MAP4K5: variants seen among roughly 807,000 people sequenced by gnomAD.
MAP4K5 encodes mitogen-activated protein kinase kinase kinase kinase 5, also known as MAPK/ERK kinase kinase kinase 5.
MAP4K5 carries 82 observed loss-of-function variants against 135.6 expected under a neutral mutation model. The observed-to-expected ratio is 0.60, with a 90% CI of 0.51 to 0.73. MAP4K5 has a LOEUF of 0.73. Among genes scored for constraint, MAP4K5 ranks in the 30% least tolerant of loss-of-function variants. The pLI is 0.00. For synonymous variants in MAP4K5, 347 were observed against 335.0 expected (o/e 1.04, Z -0.39); for missense variants, 907 against 1,010.9 (o/e 0.90, Z 1.39).
At chr14:50,480,822 G>A (rs1595494296) in intron 6 of MAP4K5, among the ~76,000 whole-genome samples, 1 of 152,096 alleles carries the variant, frequency 6.6e-6, no homozygotes, top group East Asian at 1.9e-4. Flanking sequence ...AACCTGCACA[G>A]CACATTAGTG....
intron 28 of MAP4K5, among the ~76,000 whole-genome samples, chr14:50,433,820 C>G (rs2036028708): frequency 6.6e-6 from 1 of 152,078 alleles, no homozygotes; most frequent in South Asian, 2.1e-4. Context: ...AATGGAGGCC[C>G]CACCTCACCC....
At chr14:50,463,309 A>G (rs537930721) in intron 12 of MAP4K5, among the ~76,000 whole-genome samples, 1 of 152,346 alleles carries the variant, frequency 6.6e-6, no homozygotes, top group African/African-American at 2.4e-5. Flanking sequence ...TATGCAGAGT[A>G]TTCTATAAAT....
chr14:50,519,472 C>G (rs1217468636), intron 2 of MAP4K5, among the ~76,000 whole-genome samples: 2 of 151,814 alleles, frequency 1.3e-5, no homozygotes, highest in South Asian at 2.1e-4. Context: ...CTGGCCAACA[C>G]GGTGAAACCC....
intron 30 of MAP4K5, among the ~76,000 whole-genome samples, chr14:50,428,020 G>C (rs2139638113): frequency 6.6e-6 from 1 of 152,186 alleles, no homozygotes; most frequent in African/African-American, 2.4e-5. Flanking sequence ...ATGCAGCAAA[G>C]GGAATAATGA....
At chr14:50,496,320 C>T (rs1385031656) in intron 3 of MAP4K5, among the ~76,000 whole-genome samples, 1 of 151,284 alleles carries the variant, frequency 6.6e-6, no homozygotes, top group Non-Finnish European at 1.5e-5. Flanking sequence ...GAGCAAGACT[C>T]CAACTCAACA....
At chr14:50,487,605 G>C (rs562928167) in intron 3 of MAP4K5, among the ~76,000 whole-genome samples, 88 of 152,228 alleles carry the variant, frequency 5.8e-4, no homozygotes, top group African/African-American at 2.0e-3. Flanking sequence ...ATAAGTGTAC[G>C]AATGGCTACT....
intron 31 of MAP4K5, among the ~76,000 whole-genome samples, chr14:50,425,689 T>TA (rs2035830002): frequency 1.3e-5 from 2 of 152,214 alleles, no homozygotes; most frequent in Admixed American, 6.5e-5. Flanking sequence ...TGCATGAACT[T>TA]ATATTTTGCA....
intron 21 of MAP4K5, among the ~76,000 whole-genome samples, chr14:50,442,362 GAA>G (rs1275440999): frequency 1.3e-5 from 2 of 151,474 alleles, no homozygotes; most frequent in Admixed American, 6.6e-5. Flanking sequence ...GTACATTAAG[GAA>G]AAAAAGTCAT....
chr14:50,446,024 T>C (rs2036339399), intron 17 of MAP4K5, 55 bp downstream of exon 17: 1 of 1,142,332 alleles, frequency 8.8e-7, no homozygotes, highest in Non-Finnish European at 1.2e-6. Context: ...ATTTTAAAAA[T>C]TTAACTATAT....
Position 50,423,135 on chromosome 14 carries a change from T to C in MAP4K5, c.2439A>G (p.Leu813=). The C allele has an allele frequency of 1.3e-6, 2 of 1,568,994 alleles. No homozygotes were observed. The highest frequency in any genetic ancestry group is 1.1e-5 in the South Asian group (1 of 87,458). Residue 813 remains leucine (L), a synonymous_variant, in exon 32 of 33, where the codon TTA becomes TTG. Transcript: ENST00000682126. ...EISDETRVFR[L]LGSDRVVVLE... Reference sequence around the variant, plus strand: ...CAAACTATTACCTGTCTGATCCTAATAAGCGGAAAACTCTTGTTTCATCTG... The same window carrying C: ...CAAACTATTACCTGTCTGATCCTAACAAGCGGAAAACTCTTGTTTCATCTG...
chr14:50,505,219 C>T (rs1024926778), intron 2 of MAP4K5: 1 of 178,718 alleles, frequency 5.6e-6, no homozygotes, highest in African/African-American at 2.4e-5. Context: ...AAATTTTCAT[C>T]ATCTGTATCT....
chr14:50,555,802 A>T (rs957460593), intron 1 of MAP4K5, among the ~76,000 whole-genome samples: 6 of 152,206 alleles, frequency 3.9e-5, no homozygotes, highest in Non-Finnish European at 8.8e-5. Flanking sequence ...ATGAAAGTAA[A>T]TGTCATTTTT....
At chr14:50,445,254 G>T in intron 17 of MAP4K5, 60 bp from the exon 18 acceptor site, 1 of 1,508,308 alleles carries the variant, frequency 6.6e-7, no homozygotes, top group Non-Finnish European at 9.0e-7. Flanking sequence ...AGAGTCTTTA[G>T]GGAAAGGGAA....
At chr14:50,487,724 C>T (rs2037396108) in intron 3 of MAP4K5, among the ~76,000 whole-genome samples, 6 of 152,166 alleles carry the variant, frequency 3.9e-5, no homozygotes, top group Admixed American at 3.3e-4. Flanking sequence ...GTTTAGCCAG[C>T]TGTGAGTAAG....
chr14:50,428,802 A>C lies in MAP4K5; in HGVS notation c.2234-48T>G, dbSNP rs1407674986. The stretch of plus-strand genomic sequence containing the variant: ...AGACTGGACATGCAAATCTGCTAAA[A>C]TAAATGTAACTTGATATATGTGGAT... On this transcript the variant is annotated intron_variant, in intron 29 of 32. Coordinates refer to ENST00000682126, the MANE Select transcript of MAP4K5 (RefSeq NM_006575.6). 3.5e-6 allele frequency: 3 copies of C among 867,598 alleles called. No homozygotes were observed. The East Asian group carries it at 8.4e-5, about 24-fold the overall frequency. The allele number at this position is 867,598 out of a possible 1,614,324, so 53.7% of individuals were successfully genotyped here.
intron 2 of MAP4K5, among the ~76,000 whole-genome samples, chr14:50,540,392 A>T (rs1337028158): frequency 6.6e-6 from 1 of 152,214 alleles, no homozygotes; most frequent in Non-Finnish European, 1.5e-5. Flanking sequence ...CCTGAATCTT[A>T]GACATAAACC....
intron 1 of MAP4K5, chr14:50,560,318 C>G (rs1366172345): frequency 6.2e-7 from 1 of 1,613,268 alleles, no homozygotes; most frequent in African/African-American, 1.3e-5. Flanking sequence ...CAAATGAGAA[C>G]TTCTGCAGCC....
At position 50,428,645 on chromosome 14, in the gene MAP4K5, A is replaced by T; in HGVS notation, c.2326+17T>A. On this transcript the variant is annotated intron_variant, in intron 30 of 32. Transcript: ENST00000682126. ...ATTAAGTATCGCAAACTGATTTATG[A>T]AAAAAAGGAAACTTACCTACAGATT... is the stretch of plus-strand genomic sequence containing the variant. 1 of 1,401,098 alleles carries T rather than the reference A, an allele frequency of 7.1e-7. No individual in the cohort carries two copies. Among genetic ancestry groups the T allele is most frequent in the Non-Finnish European group, 9.6e-7 (1 of 1,038,960 alleles). 86.8% of individuals were successfully genotyped at this position (1,401,098 alleles called of 1,614,324 possible). A position where few individuals can be genotyped will look rare whatever the true frequency, so the allele number is the denominator to read the frequency against.
At chr14:50,471,868 T>A (rs955199090) in intron 9 of MAP4K5, 4 of 152,254 alleles carry the variant, frequency 2.6e-5, no homozygotes, top group Non-Finnish European at 4.4e-5. Context: ...CTGCTCCATG[T>A]GAAGACATGA....
Sources: gnomAD v4.1 joint callset for allele counts (sites outside exome capture counted in the v4.1 genomes callset) on GRCh38, gnomAD v4.1.1 for gene constraint, MANE v1.5 for transcripts, NCBI Gene and HGNC (gene_info 2026-07-23, HGNC 2026-07-21) for gene names.